The following DNAH11 variants were observed in gnomAD, a reference collection of about 807,000 sequenced individuals.
The protein encoded by DNAH11 is axonemal beta dynein heavy chain 11.
Under a neutral mutation model 526.0 loss-of-function variants are expected in DNAH11, and 442 were observed. The observed-to-expected ratio is 0.84, with a 90% CI of 0.78 to 0.91. The LOEUF is 0.91. Ranked by LOEUF, DNAH11 falls within the 40% of genes least tolerant of loss-of-function variation. The pLI, the probability that DNAH11 is intolerant of heterozygous loss-of-function variation, is 0.00. For missense variants in DNAH11, 6,989 were observed against 5,448.7 expected (o/e 1.28, Z -8.90); for synonymous variants, 2,461 against 1,935.9 (o/e 1.27, Z -7.12).
intron 65 of DNAH11, among the ~76,000 whole-genome samples, chr7:21,832,715 C>G (rs1305974125): frequency 6.6e-6 from 1 of 152,138 alleles, no homozygotes; most frequent in African/African-American, 2.4e-5. Context: ...GCACCGTTAG[C>G]CAATGTGATC....
chr7:21,859,520 C>T (rs936367912), intron 68 of DNAH11, among the ~76,000 whole-genome samples: 1 of 152,130 alleles, frequency 6.6e-6, no homozygotes, highest in Admixed American at 6.5e-5. Context: ...ACACTTCTGG[C>T]CCCAAGCATT....
intron 62 of DNAH11, among the ~76,000 whole-genome samples, chr7:21,807,496 CAAAT>C (rs925674031): frequency 9.9e-5 from 15 of 152,176 alleles, no homozygotes; most frequent in Non-Finnish European, 1.0e-4. Context: ...CAGACCCTGT[CAAAT>C]AAATAAATAA....
intron 25 of DNAH11, among the ~76,000 whole-genome samples, chr7:21,624,905 A>C (rs991004102): frequency 1.3e-5 from 2 of 151,940 alleles, no homozygotes; most frequent in Non-Finnish European, 2.9e-5. Context: ...ATGGTGAATG[A>C]TCTTTTTTAG....
intron 45 of DNAH11, among the ~76,000 whole-genome samples, chr7:21,731,228 C>G (rs797006478): frequency 3.3e-5 from 5 of 151,870 alleles, no homozygotes; most frequent in African/African-American, 1.2e-4. Flanking sequence ...TTCAAAACAT[C>G]AGGTTATACA....
Position 21,787,486 on chromosome 7 carries a change from T to G in DNAH11, c.9827T>G (p.Leu3276Trp). The change falls in exon 60 of 82, where the codon TTG (leucine) becomes TGG (tryptophan). Residue 3276 changes from leucine (L) to tryptophan (W), a missense_variant. Coordinates refer to ENST00000409508, the MANE Select transcript of DNAH11 (RefSeq NM_001277115.2). The part of the protein sequence containing the change: ...NCLKVVNEHY[L>W]KDPEFNPNLI... ...CTAAAAGTGGTGAATGAACACTATT[T>G]GAAAGACCCAGAGTTTAATCCAAAC... is the stretch of plus-strand genomic sequence containing the variant. The G allele has an allele frequency of 6.2e-7, 1 of 1,613,858 alleles. No individual in the cohort carries two copies. Among genetic ancestry groups the G allele is most frequent in the Non-Finnish European group, 8.5e-7 (1 of 1,179,782 alleles).
chr7:21,798,770 G>A (rs761759206), intron 61 of DNAH11, among the ~76,000 whole-genome samples: 3 of 152,094 alleles, frequency 2.0e-5, no homozygotes, highest in African/African-American at 7.2e-5. Flanking sequence ...TGCAATAGCA[G>A]GTATAAGAAT....
In DNAH11 at chr7:21,899,351, C is replaced by T. The variant is rs770052684; in HGVS notation, c.13065C>T (p.Leu4355=). ...CATAAACCAGGTTCAATGACCTCCT[C>T]CTGCGATGCCGAGAACTCGATACTT... The part of the protein sequence containing the change: ...YGLAQWFNDL[L]LRCRELDTWT... Residue 4355 remains leucine (L), a synonymous_variant, in exon 80 of 82, where the codon CTC becomes CTT. Transcript: ENST00000409508. The T allele has an allele frequency of 3.7e-6, 6 of 1,613,998 alleles. No homozygotes were observed. Among genetic ancestry groups the T allele is most frequent in the South Asian group, 1.1e-5 (1 of 91,080 alleles).
At chr7:21,714,566 C>T (rs1784580122) in intron 42 of DNAH11, among the ~76,000 whole-genome samples, 1 of 152,028 alleles carries the variant, frequency 6.6e-6, no homozygotes, top group South Asian at 2.1e-4. Context: ...ACTCAGTTAC[C>T]TTCTGAGATA....
At chr7:21,812,135 A>T (rs1245449596) in intron 63 of DNAH11, among the ~76,000 whole-genome samples, 2 of 152,204 alleles carry the variant, frequency 1.3e-5, no homozygotes, top group Non-Finnish European at 2.9e-5. Context: ...GAGTGGAATC[A>T]TCATCTACAT....
At chr7:21,780,435 C>T (rs1017138469) in intron 57 of DNAH11, among the ~76,000 whole-genome samples, 12 of 152,158 alleles carry the variant, frequency 7.9e-5, no homozygotes, top group African/African-American at 2.9e-4. Context: ...AATTAGGTAT[C>T]ACACATGATA....
At chr7:21,727,291 A>C (rs1174264320) in intron 45 of DNAH11, among the ~76,000 whole-genome samples, 1 of 152,164 alleles carries the variant, frequency 6.6e-6, no homozygotes, top group African/African-American at 2.4e-5. Flanking sequence ...ATAAAATGTA[A>C]AGAAATAATA....
chr7:21,691,095 C>T (rs1161334999), intron 35 of DNAH11, among the ~76,000 whole-genome samples: 3 of 151,728 alleles, frequency 2.0e-5, no homozygotes, highest in Admixed American at 6.6e-5. Flanking sequence ...TTAAAAGTTA[C>T]GTGGTATATT....
At chr7:21,834,561 A>G (rs763510993) in intron 65 of DNAH11, among the ~76,000 whole-genome samples, 2 of 152,212 alleles carry the variant, frequency 1.3e-5, no homozygotes, top group South Asian at 4.1e-4. Context: ...TTGAAAAGTT[A>G]AACAAAATCA....
rs1237802706 is a variant in DNAH11 at position 21,894,650 on chromosome 7, G to A, written c.12778G>A (p.Glu4260Lys). ...TAAGAATGTCTTGGATGACATTTTG[G>A]AGAAACTTCCAGAAGAGTTCAACAT... ...KVKNVLDDIL[E>K]KLPEEFNMAE... is the part of the protein sequence containing the mutation. Residue 4260 changes from glutamate (E) to lysine (K), a missense_variant, in exon 78 of 82, where the codon GAG becomes AAG. Transcript: ENST00000409508. 1 of 1,613,760 alleles carries A rather than the reference G, an allele frequency of 6.2e-7. No homozygotes were observed. The highest frequency in any genetic ancestry group is 8.5e-7 in the Non-Finnish European group (1 of 1,179,882).
chr7:21,851,619 G>T, intron 66 of DNAH11: 1 of 470,758 alleles, frequency 2.1e-6, no homozygotes, highest in Non-Finnish European at 4.4e-6. Context: ...TTCACTGTAA[G>T]AACCGGATGG....
At position 21,901,117 on chromosome 7, in the gene DNAH11, A is replaced by G. The variant is rs767116529; in HGVS notation, c.13414A>G (p.Thr4472Ala). ...AGCCACCCCCGTGGACAGACAAGAAACCAAACAGACCTACGAGTGCCCTGT... is the reference window on the plus strand; with the variant it reads ...AGCCACCCCCGTGGACAGACAAGAAGCCAAACAGACCTACGAGTGCCCTGT... The part of the protein sequence containing the change: ...AKATPVDRQE[T>A]KQTYECPVYR... Residue 4472 changes from threonine (T) to alanine (A), a missense_variant, in exon 82 of 82, where the codon ACC becomes GCC. Physicochemically the swap from Thr to Ala is moderately conservative, Grantham distance 58. Transcript: ENST00000409508. 2 of 1,613,312 alleles carry G rather than the reference A, an allele frequency of 1.2e-6. No individual in the cohort carries two copies. Among genetic ancestry groups the G allele is most frequent in the Non-Finnish European group, 1.7e-6 (2 of 1,179,424 alleles).
In DNAH11 at chr7:21,704,746, A is replaced by C. The variant is rs72657344; in HGVS notation, c.6468+118A>C. ...ACCCTAACCTTAATAGGATCTTAAT[A>C]TATGCTTTCAAGCATTTTCATATGG... is the stretch of plus-strand genomic sequence containing the variant. On this transcript the variant is annotated intron_variant, in intron 38 of 81. Transcript: ENST00000409508. The C allele has an allele frequency of 6.2e-3, 7,113 of 1,141,900 alleles. 25 individuals are homozygous for C. The highest frequency in any genetic ancestry group is 7.7e-3 in the Non-Finnish European group (6,465 of 841,438). 70.7% of individuals were successfully genotyped at this position (1,141,900 alleles called of 1,614,324 possible). A position where few individuals can be genotyped will look rare whatever the true frequency, so the allele number is the denominator to read the frequency against.
At chr7:21,870,640 G>T (rs570066248) in intron 73 of DNAH11, among the ~76,000 whole-genome samples, 1 of 152,136 alleles carries the variant, frequency 6.6e-6, no homozygotes, top group Non-Finnish European at 1.5e-5. Flanking sequence ...TCAAAAGAAC[G>T]TATTCAAAAT....
intron 25 of DNAH11, among the ~76,000 whole-genome samples, chr7:21,631,748 C>A (rs1449646293): frequency 1.3e-5 from 2 of 152,336 alleles, no homozygotes; most frequent in East Asian, 3.9e-4. Flanking sequence ...TCCCTCCCGG[C>A]TGCTTTCACA....
Sources: gnomAD v4.1 joint callset for allele counts (sites outside exome capture counted in the v4.1 genomes callset) on GRCh38, gnomAD v4.1.1 for gene constraint, MANE v1.5 for transcripts, NCBI Gene and HGNC (gene_info 2026-07-23, HGNC 2026-07-21) for gene names.